Variants in CNOT1 observed in about 807,000 individuals in gnomAD.
CNOT1 encodes CCR4-NOT transcription complex subunit 1.
In CNOT1, 15 loss-of-function variants were observed where a neutral mutation model predicts 273.8. The observed-to-expected ratio is 0.05, with a 90% confidence interval of 0.04 to 0.08. The LOEUF (loss-of-function observed/expected upper bound fraction) is 0.08. Among genes scored for constraint, CNOT1 ranks in the 10% least tolerant of loss-of-function variants. The pLI is 1.00. For synonymous variants in CNOT1, 1,022 were observed against 1,005.5 expected, an observed-to-expected ratio of 1.02 and a Z score of -0.31; for missense variants, 1,644 against 2,912.2, an observed-to-expected ratio of 0.56 and a Z score of 10.02.
At chr16:58,592,894 A>G (rs1170921552) in intron 2 of CNOT1, among the ~76,000 whole-genome samples, 2 of 152,158 alleles carry the variant, frequency 1.3e-5, no homozygotes, top group Admixed American at 6.5e-5. Flanking sequence ...TTAACCATCT[A>G]GCCAAAGGAG....
At chr16:58,563,339 T>C (rs1281765900) in intron 16 of CNOT1, among the ~76,000 whole-genome samples, 1 of 152,218 alleles carries the variant, frequency 6.6e-6, no homozygotes, top group African/African-American at 2.4e-5. Context: ...GAATAGGCCA[T>C]ACCACATAGG....
At chr16:58,604,311 GAATT>G (rs1415511946) in intron 1 of CNOT1, among the ~76,000 whole-genome samples, 1 of 152,110 alleles carries the variant, frequency 6.6e-6, no homozygotes, top group Non-Finnish European at 1.5e-5. Flanking sequence ...TTTATTTAGA[GAATT>G]AATTATTTTA....
At chr16:58,591,691 T>C (rs777979011) in intron 2 of CNOT1, among the ~76,000 whole-genome samples, 101 of 151,898 alleles carry the variant, frequency 6.6e-4, no homozygotes, top group Middle Eastern at 6.8e-3. Flanking sequence ...GAGGCAGAGG[T>C]TGCAGTAAGC....
In CNOT1 at chr16:58,520,812, G is replaced by A; in HGVS notation, c.*146C>T. On this transcript the variant is annotated 3_prime_UTR_variant, in exon 49 of 49. Transcript: ENST00000317147. ...GGAACGTGCCCACATAAGACAGGAG[G>A]CTGATCCCAACAGTAGTTGGGGCAG... The A allele has an allele frequency of 1.3e-6, 1 of 791,130 alleles. No homozygotes were observed. Among genetic ancestry groups the A allele is most frequent in the Non-Finnish European group, 2.0e-6 (1 of 493,306 alleles). The allele number at this position is 791,130 out of a possible 1,614,324, so 49.0% of individuals were successfully genotyped here. A position where few individuals can be genotyped will look rare whatever the true frequency, so the allele number is the denominator to read the frequency against.
At chr16:58,584,121 T>C (rs961274542) in intron 8 of CNOT1, among the ~76,000 whole-genome samples, 3 of 149,940 alleles carry the variant, frequency 2.0e-5, no homozygotes, top group African/African-American at 4.9e-5. Flanking sequence ...TGAGCTAAGA[T>C]TGTGCCACTG....
At chr16:58,546,863 A>C in intron 27 of CNOT1, 114 bp from the exon 28 acceptor site, 1 of 1,313,540 alleles carries the variant, frequency 7.6e-7, no homozygotes, top group South Asian at 1.3e-5. Context: ...AATAAAAAAC[A>C]AAAAACAAGG....
chr16:58,562,792 C>CA (rs1348842247), intron 16 of CNOT1, among the ~76,000 whole-genome samples: 9 of 152,188 alleles, frequency 5.9e-5, no homozygotes, highest in African/African-American at 2.2e-4. Flanking sequence ...CACTGCACTC[C>CA]AGCCTGGGTG....
intron 21 of CNOT1, among the ~76,000 whole-genome samples, chr16:58,554,762 C>T (rs192855855): frequency 1.3e-5 from 2 of 151,430 alleles, no homozygotes; most frequent in Admixed American, 1.3e-4. Context: ...ATGGTGGAAC[C>T]CTGTCTCTAC....
chr16:58,621,263 A>G (rs1365015985), intron 1 of CNOT1, among the ~76,000 whole-genome samples: 1 of 151,890 alleles, frequency 6.6e-6, no homozygotes, highest in Non-Finnish European at 1.5e-5. Context: ...GCGCTGGCCC[A>G]GCTAACTATT....
intron 35 of CNOT1, 143 bp downstream of exon 35, chr16:58,539,625 A>AAG (rs2040026747): frequency 2.2e-6 from 1 of 457,058 alleles, no homozygotes; most frequent in African/African-American, 6.7e-5. Context: ...TCTACGTTGG[A>AAG]AAAAAAAAAA....
At chr16:58,578,409 C>T (rs1271419229) in intron 13 of CNOT1, among the ~76,000 whole-genome samples, 3 of 144,306 alleles carry the variant, frequency 2.1e-5, no homozygotes. Context: ...AGAAAGACTG[C>T]ACCATTGCAC....
chr16:58,622,713 G>A (rs1437804717), intron 1 of CNOT1, among the ~76,000 whole-genome samples: 1 of 151,654 alleles, frequency 6.6e-6, no homozygotes, highest in Non-Finnish European at 1.5e-5. Context: ...CAGATGTGGT[G>A]GTGGGCACCT....
At chr16:58,530,960 C>T (rs37059) in intron 42 of CNOT1, among the ~76,000 whole-genome samples, 96,707 of 151,936 alleles carry the variant, frequency 0.64, 31,876 homozygotes, top group East Asian at 0.96. Context: ...AGTAAACTTC[C>T]GAGAGAACAC....
intron 3 of CNOT1, among the ~76,000 whole-genome samples, chr16:58,588,257 C>T (rs1462306938): frequency 6.6e-6 from 1 of 152,052 alleles, no homozygotes. Context: ...CACCACACTC[C>T]AGCCTGGGTG....
At chr16:58,585,086 T>C (rs2041791549) in intron 8 of CNOT1, among the ~76,000 whole-genome samples, 1 of 152,142 alleles carries the variant, frequency 6.6e-6, no homozygotes, top group Non-Finnish European at 1.5e-5. Flanking sequence ...AAAATATGCC[T>C]ATTGTGGCAA....
intron 1 of CNOT1, chr16:58,623,360 G>C (rs2043430954): frequency 6.6e-6 from 1 of 152,088 alleles, no homozygotes; most frequent in Non-Finnish European, 1.5e-5. Flanking sequence ...ATGCTGAGTT[G>C]ACTGATAGCT....
At chr16:58,607,974 C>G (rs779215352) in intron 1 of CNOT1, among the ~76,000 whole-genome samples, 1 of 151,826 alleles carries the variant, frequency 6.6e-6, no homozygotes, top group Non-Finnish European at 1.5e-5. Context: ...GAGTTTGAGA[C>G]CAGCTTGGCC....
Position 58,538,856 on chromosome 16 carries a change from T to C in CNOT1, c.5051A>G (p.Tyr1684Cys). Reference protein sequence around the residue: ...SGADADLLLRYRECHLLVLKA... With the variant: ...SGADADLLLRCRECHLLVLKA... ...TAGGACCAAGAGGTGGCATTCCCTG[T>C]AGCGCAGCAGAAGGTCAGCATCAGC... is the stretch of plus-strand genomic sequence containing the variant. Residue 1684 changes from tyrosine (Y) to cysteine (C), a missense_variant, in exon 36 of 49, where the codon TAC becomes TGC. Tyr to Cys is a radical substitution (Grantham distance 194, BLOSUM62 -2). Around this residue, in one of 13 missense-constraint regions of CNOT1, gnomAD observed 170 missense variants for 273.1 expected, o/e 0.62. Coordinates refer to ENST00000317147, the MANE Select transcript of CNOT1 (RefSeq NM_016284.5). The C allele has an allele frequency of 6.2e-7, 1 of 1,610,958 alleles. No individual in the cohort carries two copies. The highest frequency in any genetic ancestry group is 8.5e-7 in the Non-Finnish European group (1 of 1,179,532).
intron 15 of CNOT1, 63 bp from the exon 16 acceptor site, chr16:58,574,823 A>G (rs2041404060): frequency 3.2e-6 from 5 of 1,574,746 alleles, no homozygotes; most frequent in Middle Eastern, 1.7e-4. Flanking sequence ...TGGATTAAAG[A>G]TAACTACTAA....
Sources: allele counts gnomAD v4.1 joint callset (sites outside exome capture counted in the v4.1 genomes callset), GRCh38; gene constraint gnomAD v4.1.1; regional missense constraint gnomAD v4.1.1; transcripts MANE v1.5; gene names NCBI Gene and HGNC (gene_info 2026-07-23, HGNC 2026-07-21).